ZFAND4: variants seen among roughly 807,000 people sequenced by gnomAD.
ZFAND4 encodes the protein zinc finger AN1-type containing 4.
A neutral mutation model predicts 64.4 loss-of-function variants in ZFAND4; 43 were observed. The observed-to-expected ratio is 0.67, with a 90% CI of 0.52 to 0.86. ZFAND4 has a LOEUF of 0.86. ZFAND4 is among the 40% of genes least tolerant of loss of function. The probability of loss-of-function intolerance (pLI) is 0.00; values close to 1 mark genes in which losing one functional copy is unlikely to be tolerated. For missense variants in ZFAND4, 929 were observed against 859.8 expected (o/e 1.08, Z -1.01); for synonymous variants, 296 against 305.7 (o/e 0.97, Z 0.33).
rs778398681 is a variant in ZFAND4, at chr10:45,627,006, G to A, written c.817C>T (p.Pro273Ser). ...PSRHRLLRVL[P>S]NIGQSCSPAF... ...GGTGAACAAGATTGACCAATGTTGGGGAGGACCCTTAACAATCGGTGGCGA... is the reference window on the plus strand; with the variant it reads ...GGTGAACAAGATTGACCAATGTTGGAGAGGACCCTTAACAATCGGTGGCGA... The change falls in exon 7 of 10, where the codon CCC becomes TCC. Residue 273 changes from proline (P) to serine (S), a missense_variant. Physicochemically the swap from Pro to Ser is moderately conservative, Grantham distance 74. Coordinates refer to ENST00000344646, the MANE Select transcript of ZFAND4 (RefSeq NM_174890.4). 8 of 1,612,912 alleles carry A rather than the reference G, an allele frequency of 5.0e-6. No homozygotes were observed. Among genetic ancestry groups the A allele is most frequent in the South Asian group, 1.1e-5 (1 of 90,916 alleles).
intron 1 of ZFAND4, among the ~76,000 whole-genome samples, chr10:45,671,501 TA>T (rs56934216): frequency 0.23 from 34,361 of 151,872 alleles, 4,089 homozygotes; most frequent in South Asian, 0.37. Flanking sequence ...TATGCAGCCA[TA>T]AAAAAAGGAT....
chr10:45,659,815 C>T (rs1269238126), intron 2 of ZFAND4, among the ~76,000 whole-genome samples: 1 of 152,076 alleles, frequency 6.6e-6, no homozygotes, highest in Non-Finnish European at 1.5e-5. Context: ...AAAGCTCCAA[C>T]AGAAATAAAG....
At chr10:45,666,424 T>TA (rs1423028265) in intron 1 of ZFAND4, among the ~76,000 whole-genome samples, 2 of 152,228 alleles carry the variant, frequency 1.3e-5, no homozygotes, top group Non-Finnish European at 2.9e-5. Context: ...TATGAGTTTT[T>TA]ATATTACATA....
rs149860836 is a variant in ZFAND4, at chr10:45,640,155, A to G, written c.570-192T>C. 728 of 1,264,068 alleles carry G rather than the reference A, an allele frequency of 5.8e-4. 1 individual carries two copies. The African/African-American group carries it at 7.5e-3, about 13-fold the overall frequency. The allele number at this position is 1,264,068 out of a possible 1,614,324, so 78.3% of individuals were successfully genotyped here. A position where few individuals can be genotyped will look rare whatever the true frequency, so the allele number is the denominator to read the frequency against. On this transcript the variant is annotated intron_variant, in intron 5 of 9. Transcript: ENST00000344646. ...AAGAAAAAATGAAATGGGAATAAAT[A>G]TTATGATCTAGGATTACTGAAAATC...
chr10:45,664,967 ACGGT>A (rs2133863732), intron 1 of ZFAND4, among the ~76,000 whole-genome samples: 1 of 152,184 alleles, frequency 6.6e-6, no homozygotes, highest in South Asian at 2.1e-4. Flanking sequence ...TAAATCATCA[ACGGT>A]TTCCAGAGGA....
rs1370132424 is a variant in ZFAND4, at chr10:45,672,569, G to C, written c.-437C>G. On this transcript the variant is annotated 5_prime_UTR_variant, in exon 1 of 10. Transcript: ENST00000344646. ...CAGCGCCGAGCGCCCGCGCCACTCC[G>C]GCCTTGCGCCATTCCGGCCCCACGA... 1.3e-5 allele frequency: 2 copies of C among 151,920 alleles called. No individual in the cohort carries two copies. Among genetic ancestry groups the C allele is most frequent in the Non-Finnish European group, 2.9e-5 (2 of 67,974 alleles). The allele number at this position is 151,920 out of a possible 1,614,324, so 9.4% of individuals were successfully genotyped here. A position where few individuals can be genotyped will look rare whatever the true frequency, so the allele number is the denominator to read the frequency against.
chr10:45,640,423 T>TAAAAAAA, intron 5 of ZFAND4: 5 of 917,000 alleles, frequency 5.5e-6, no homozygotes, highest in African/African-American at 2.9e-5. Flanking sequence ...AGATTCTCAC[T>TAAAAAAA]AAAAAAAAAA....
At chr10:45,639,725 T>C in intron 6 of ZFAND4, 91 bp downstream of exon 6, 1 of 1,427,798 alleles carries the variant, frequency 7.0e-7, no homozygotes, top group Non-Finnish European at 9.3e-7. Flanking sequence ...TAATACTTTA[T>C]AATTTTTTCA....
At chr10:45,642,242 T>A (rs919018185) in intron 5 of ZFAND4, among the ~76,000 whole-genome samples, 1 of 152,120 alleles carries the variant, frequency 6.6e-6, no homozygotes, top group Non-Finnish European at 1.5e-5. Context: ...ATTACTGTCA[T>A]GAAAAGACCT....
chr10:45,628,471 G>A (rs1009253976), intron 6 of ZFAND4, among the ~76,000 whole-genome samples: 29 of 152,138 alleles, frequency 1.9e-4, no homozygotes, highest in African/African-American at 7.0e-4. Flanking sequence ...ACCATGTCCA[G>A]GTAATTTTTG....
chr10:45,654,294 T>C (rs144810657), intron 2 of ZFAND4, among the ~76,000 whole-genome samples: 211 of 152,224 alleles, frequency 1.4e-3, no homozygotes, highest in African/African-American at 5.0e-3. Flanking sequence ...AACCTACCCA[T>C]GTATCCACTG....
At chr10:45,661,354 C>A (rs1267458649) in intron 2 of ZFAND4, among the ~76,000 whole-genome samples, 1 of 152,152 alleles carries the variant, frequency 6.6e-6, no homozygotes, top group Non-Finnish European at 1.5e-5. Flanking sequence ...CTGCTCCTCC[C>A]TTGCTGCAGC....
At chr10:45,618,018 T>G in intron 9 of ZFAND4, 122 bp downstream of exon 9, 1 of 1,009,448 alleles carries the variant, frequency 9.9e-7, no homozygotes, top group African/African-American at 1.6e-5. Flanking sequence ...CAACTGAAGA[T>G]AGCTATTGAA....
intron 6 of ZFAND4, among the ~76,000 whole-genome samples, chr10:45,632,077 G>A (rs565103620): frequency 2.0e-5 from 3 of 152,280 alleles, no homozygotes; most frequent in South Asian, 2.1e-4. Flanking sequence ...ACAATTGGCC[G>A]GGCATGGTGG....
At chr10:45,648,989 C>G (rs990840609) in intron 4 of ZFAND4, 1 of 985,058 alleles carries the variant, frequency 1.0e-6, no homozygotes, top group Non-Finnish European at 1.2e-6. Flanking sequence ...ACAGACACGG[C>G]CGGGTGCGGT....
chr10:45,649,270 A>G (rs2047604171), intron 4 of ZFAND4, among the ~76,000 whole-genome samples: 1 of 152,190 alleles, frequency 6.6e-6, no homozygotes, highest in African/African-American at 2.4e-5. Flanking sequence ...CTGATTCTTA[A>G]GAGCTGTTCC....
chr10:45,640,300 A>G, intron 5 of ZFAND4: 1 of 1,242,222 alleles, frequency 8.1e-7, no homozygotes, highest in Non-Finnish European at 1.0e-6. Context: ...TCATTTTATC[A>G]GCCAAGGCTG....
chr10:45,664,830 C>A (rs965947041), intron 1 of ZFAND4, among the ~76,000 whole-genome samples: 1 of 152,098 alleles, frequency 6.6e-6, no homozygotes, highest in African/African-American at 2.4e-5. Flanking sequence ...ACTTGGGAGG[C>A]TGAGGCAGGA....
chr10:45,643,440 G>A (rs2047162384), intron 5 of ZFAND4, among the ~76,000 whole-genome samples: 2 of 151,394 alleles, frequency 1.3e-5, no homozygotes, highest in Non-Finnish European at 2.9e-5. Context: ...GGAGGCCGAG[G>A]TGGGCGGATC....
Sources: gnomAD v4.1 joint callset for allele counts (sites outside exome capture counted in the v4.1 genomes callset) on GRCh38, gnomAD v4.1.1 for gene constraint, MANE v1.5 for transcripts, NCBI Gene and HGNC (gene_info 2026-07-23, HGNC 2026-07-21) for gene names.